Variants in FAT3 observed in about 807,000 individuals in gnomAD.
FAT3 encodes protocadherin Fat 3.
Under a neutral mutation model 310.2 loss-of-function variants are expected in FAT3, and 95 were observed. The observed-to-expected ratio is 0.31, with a 90% CI of 0.26 to 0.36. FAT3 has a LOEUF of 0.36. FAT3 is among the 10% of genes least tolerant of loss of function. FAT3 has a pLI of 1.00. For missense variants in FAT3, 5,408 were observed against 5,715.6 expected (o/e 0.95, Z 1.74); for synonymous variants, 2,314 against 2,192.9 (o/e 1.06, Z -1.54).
chr11:92,305,463 A>G (rs1356292300), intron 1 of FAT3, among the ~76,000 whole-genome samples: 2 of 152,156 alleles, frequency 1.3e-5, no homozygotes, highest in South Asian at 4.1e-4. Context: ...AAGTATGATG[A>G]AACAGGATAT....
intron 7 of FAT3, among the ~76,000 whole-genome samples, chr11:92,786,687 A>G (rs1946902249): frequency 6.6e-6 from 1 of 152,184 alleles, no homozygotes; most frequent in Non-Finnish European, 1.5e-5. Flanking sequence ...AGTAGGGGAA[A>G]TATGGAAACA....
At chr11:92,869,154 AC>A (rs1949322580) in intron 22 of FAT3, among the ~76,000 whole-genome samples, 1 of 152,190 alleles carries the variant, frequency 6.6e-6, no homozygotes, top group African/African-American at 2.4e-5. Context: ...GGGGGGACTT[AC>A]GTTTTCCTAA....
At chr11:92,480,813 A>G (rs187473803) in intron 2 of FAT3, among the ~76,000 whole-genome samples, 1 of 152,302 alleles carries the variant, frequency 6.6e-6, no homozygotes, top group African/African-American at 2.4e-5. Context: ...CTGCATGACC[A>G]GAAATGTCTA....
chr11:92,313,675 T>C (rs570186772), intron 1 of FAT3, among the ~76,000 whole-genome samples: 203 of 152,320 alleles, frequency 1.3e-3, no homozygotes, highest in Middle Eastern at 3.4e-3. Context: ...TTCTCCTGCC[T>C]CAGCCTCCTG....
chr11:92,603,397 A>G (rs1453473931), intron 3 of FAT3, among the ~76,000 whole-genome samples: 1 of 152,248 alleles, frequency 6.6e-6, no homozygotes, highest in African/African-American at 2.4e-5. Context: ...TTCATCTGTA[A>G]TTCTCAAGAT....
chr11:92,798,917 C>G lies in FAT3; in HGVS notation c.5904C>G (p.Val1968=). 6.2e-7 allele frequency: 1 copy of G among 1,613,948 alleles called. No individual in the cohort carries two copies. Among genetic ancestry groups the G allele is most frequent in the Non-Finnish European group, 8.5e-7 (1 of 1,179,874 alleles). Residue 1968 remains valine (V), a synonymous_variant, in exon 10 of 28, where the codon GTC becomes GTG. Coordinates refer to ENST00000525166, the MANE Select transcript of FAT3 (RefSeq NM_001367949.2). ...GAAAGTTCTACAGTACCTCCATGGT[C>G]ACCATCATGGTTAAAGAAGCCATGG... The part of the protein sequence containing the change: ...SDGKFYSTSM[V]TIMVKEAMDS...
At position 92,798,137 on chromosome 11, in the gene FAT3, A is replaced by G. The variant is rs1454455853; in HGVS notation, c.5124A>G (p.Gly1708=). 6.2e-7 allele frequency: 1 copy of G among 1,613,952 alleles called. No individual in the cohort carries two copies. Among genetic ancestry groups the G allele is most frequent in the African/African-American group, 1.3e-5 (1 of 75,028 alleles). The part of the protein sequence containing the change: ...QSTLIYEVKD[G]DINGIFTINP... ...CCCTCATTTATGAAGTCAAAGATGGAGACATTAATGGGATCTTTACCATAA... is the reference window on the plus strand; with the variant it reads ...CCCTCATTTATGAAGTCAAAGATGGGGACATTAATGGGATCTTTACCATAA... The change falls in exon 10 of 28, where the codon GGA becomes GGG. Residue 1708 remains glycine (G), a synonymous_variant. Transcript: ENST00000525166.
chr11:92,478,399 A>C (rs1038057618), intron 2 of FAT3, among the ~76,000 whole-genome samples: 1 of 152,102 alleles, frequency 6.6e-6, no homozygotes, highest in Admixed American at 6.5e-5. Flanking sequence ...CTTGGTGTCC[A>C]TCTCTTTCTT....
intron 9 of FAT3, among the ~76,000 whole-genome samples, chr11:92,795,765 A>G (rs1476792238): frequency 2.0e-5 from 3 of 152,076 alleles, no homozygotes; most frequent in Non-Finnish European, 4.4e-5. Flanking sequence ...AAAATTAGCC[A>G]GGTGTAGTGG....
At chr11:92,565,838 C>G (rs550703560) in intron 3 of FAT3, among the ~76,000 whole-genome samples, 8 of 152,212 alleles carry the variant, frequency 5.3e-5, no homozygotes, top group Admixed American at 6.5e-5. Context: ...ATTCAACAAC[C>G]CTTCATTCTA....
intron 14 of FAT3, among the ~76,000 whole-genome samples, chr11:92,833,495 G>A (rs779065097): frequency 4.6e-5 from 7 of 152,164 alleles, no homozygotes; most frequent in Non-Finnish European, 7.3e-5. Context: ...AATAATTACC[G>A]CAGTGTCCAC....
At chr11:92,640,605 G>C (rs1941923263) in intron 3 of FAT3, among the ~76,000 whole-genome samples, 1 of 152,182 alleles carries the variant, frequency 6.6e-6, no homozygotes, top group African/African-American at 2.4e-5. Context: ...AATCATTGCT[G>C]TAAGTTTCAT....
At chr11:92,570,306 C>G (rs1955628164) in intron 3 of FAT3, among the ~76,000 whole-genome samples, 1 of 152,142 alleles carries the variant, frequency 6.6e-6, no homozygotes, top group South Asian at 2.1e-4. Context: ...CCTTGGTCAT[C>G]TTGTACTTGC....
At chr11:92,532,086 G>A (rs1247432001) in intron 3 of FAT3, among the ~76,000 whole-genome samples, 1 of 152,022 alleles carries the variant, frequency 6.6e-6, no homozygotes, top group Non-Finnish European at 1.5e-5. Context: ...TGTGCAAAAT[G>A]AAATGACTGA....
chr11:92,249,464 G>A (rs1039430785), intron 1 of FAT3, among the ~76,000 whole-genome samples: 22 of 152,082 alleles, frequency 1.4e-4, no homozygotes, highest in Admixed American at 5.9e-4. Flanking sequence ...GATTGCCATC[G>A]ACCAAGCATT....
chr11:92,430,684 T>C (rs688760), intron 2 of FAT3, among the ~76,000 whole-genome samples: 135,403 of 151,870 alleles, frequency 0.89, 60,426 homozygotes, highest in Admixed American at 0.91. Context: ...CAACAGGCCC[T>C]GGTGTGTGAT....
At chr11:92,331,374 C>T (rs544754800) in intron 1 of FAT3, among the ~76,000 whole-genome samples, 2 of 151,450 alleles carry the variant, frequency 1.3e-5, no homozygotes, top group Middle Eastern at 3.4e-3. Context: ...ATTTTCTCTT[C>T]AGGCAGGTCA....
At chr11:92,704,444 T>A (rs1944204557) in intron 4 of FAT3, among the ~76,000 whole-genome samples, 1 of 152,080 alleles carries the variant, frequency 6.6e-6, no homozygotes, top group Admixed American at 6.6e-5. Flanking sequence ...ACCACCAAAA[T>A]CCATGTGTTA....
intron 3 of FAT3, among the ~76,000 whole-genome samples, chr11:92,599,051 G>A (rs1939869851): frequency 6.6e-6 from 1 of 152,192 alleles, no homozygotes; most frequent in Non-Finnish European, 1.5e-5. Flanking sequence ...GACTGCATCA[G>A]ATCTGGGGAT....
Sources: allele counts gnomAD v4.1 joint callset (sites outside exome capture counted in the v4.1 genomes callset), GRCh38; gene constraint gnomAD v4.1.1; transcripts MANE v1.5; gene names NCBI Gene and HGNC (gene_info 2026-07-23, HGNC 2026-07-21).